The following TAFA5 variants were observed in gnomAD, a reference collection of about 807,000 sequenced individuals.
TAFA5 encodes TAFA chemokine like family member 5, also known as chemokine-like protein TAFA-5.
Under a neutral mutation model 15.3 loss-of-function variants are expected in TAFA5, and 6 were observed. The observed-to-expected ratio is 0.39, with a 90% CI of 0.21 to 0.77. TAFA5 has a LOEUF of 0.77. Ranked by LOEUF, TAFA5 falls within the 30% of genes least tolerant of loss-of-function variation. The probability of loss-of-function intolerance (pLI) is 0.41; values close to 1 mark genes in which losing one functional copy is unlikely to be tolerated. For synonymous variants in TAFA5, 103 were observed against 80.7 expected (o/e 1.28, Z -1.48); for missense variants, 161 against 193.1 (o/e 0.83, Z 0.98).
At chr22:48,703,244 G>A (rs746950163) in intron 2 of TAFA5, among the ~76,000 whole-genome samples, 19 of 152,190 alleles carry the variant, frequency 1.2e-4, no homozygotes, top group Admixed American at 3.9e-4. Context: ...GTACATGTGT[G>A]TGTGGTGTGT....
chr22:48,719,005 G>A (rs1396121191), intron 3 of TAFA5, among the ~76,000 whole-genome samples: 2 of 152,236 alleles, frequency 1.3e-5, no homozygotes, highest in Admixed American at 6.5e-5. Context: ...GCCCGGCCGG[G>A]TCAGCTCCGC....
intron 1 of TAFA5, among the ~76,000 whole-genome samples, chr22:48,596,436 A>T (rs189466596): frequency 6.6e-6 from 1 of 152,348 alleles, no homozygotes; most frequent in East Asian, 1.9e-4. Flanking sequence ...TATTCTGTCA[A>T]GGGGCAAGGT....
At chr22:48,646,460 C>A in intron 1 of TAFA5, 137 bp from the exon 2 acceptor site, 2 of 1,118,026 alleles carry the variant, frequency 1.8e-6, no homozygotes, top group Non-Finnish European at 2.5e-6. Context: ...CTTTCGGACG[C>A]TCCCTCTGAG....
intron 1 of TAFA5, among the ~76,000 whole-genome samples, chr22:48,506,463 C>T (rs1011729317): frequency 8.5e-5 from 13 of 152,196 alleles, no homozygotes; most frequent in Admixed American, 5.9e-4. Context: ...GACAAAAACG[C>T]GGCATGTCCA....
intron 1 of TAFA5, among the ~76,000 whole-genome samples, chr22:48,641,280 C>A (rs559554767): frequency 1.3e-5 from 2 of 152,226 alleles, no homozygotes; most frequent in Non-Finnish European, 2.9e-5. Flanking sequence ...TGAAATGATG[C>A]GTGACAAACA....
chr22:48,745,469 T>A lies in TAFA5; in HGVS notation c.391-4370T>A, dbSNP rs190598888. Among the ~76,000 whole-genome samples, 16 of 149,814 alleles carry A rather than the reference T, an allele frequency of 1.1e-4. No homozygotes were observed. In the East Asian group the frequency reaches 3.0e-3, roughly 28 times the overall value. ...ACCCTGAGCATGGGCACACACGGCT[T>A]TGTCGTTGGCGGCTGGCCTGTCCGG... On this transcript the variant is annotated intron_variant, in intron 3 of 3. Transcript: ENST00000402357.
rs545479408 is a variant in TAFA5, at chr22:48,595,082, G to A, written c.113-51515G>A. ...CTTGAGCCTGTGACCGGGTGGTGGT[G>A]GTGAGCCTGAATTTGGCTTTGGAAT... On this transcript the variant is annotated intron_variant, in intron 1 of 3. Transcript: ENST00000402357. Among the ~76,000 whole-genome samples the A allele has an allele frequency of 7.0e-4, 106 of 152,274 alleles. No individual in the cohort carries two copies. The Middle Eastern group carries it at 0.014, about 20-fold the overall frequency.
intron 3 of TAFA5, among the ~76,000 whole-genome samples, chr22:48,736,261 G>A (rs12172409): frequency 1.1e-4 from 2 of 18,560 alleles, no homozygotes; most frequent in East Asian, 8.9e-4. Flanking sequence ...GTCCCTCCCC[G>A]CAGGAGGAAT....
At chr22:48,504,152 C>T (rs1045034901) in intron 1 of TAFA5, among the ~76,000 whole-genome samples, 1 of 152,206 alleles carries the variant, frequency 6.6e-6, no homozygotes, top group South Asian at 2.1e-4. Flanking sequence ...GCGGGCTGGA[C>T]TGGAGGCCAT....
intron 1 of TAFA5, among the ~76,000 whole-genome samples, chr22:48,636,869 A>T (rs1195541392): frequency 1.3e-5 from 2 of 152,338 alleles, no homozygotes; most frequent in East Asian, 3.9e-4. Flanking sequence ...CAAGGAGGAC[A>T]GCCTCAGTGT....
chr22:48,688,688 C>G (rs1928440639), intron 2 of TAFA5, among the ~76,000 whole-genome samples: 1 of 152,108 alleles, frequency 6.6e-6, no homozygotes, highest in East Asian at 1.9e-4. Context: ...AACAGTGTGT[C>G]CTGATTTAAC....
chr22:48,729,395 G>T, intron 3 of TAFA5, among the ~76,000 whole-genome samples: 1 of 126,110 alleles, frequency 7.9e-6, no homozygotes, highest in East Asian at 2.0e-4. Context: ...ATATATAATA[G>T]TCATAAATAT....
At chr22:48,685,813 G>A (rs1429305632) in intron 2 of TAFA5, among the ~76,000 whole-genome samples, 3 of 152,122 alleles carry the variant, frequency 2.0e-5, no homozygotes, top group Non-Finnish European at 2.9e-5. Flanking sequence ...TACACCTGTT[G>A]CCGGCTGCAT....
At position 48,519,440 on chromosome 22, in the gene TAFA5, C is replaced by T. The variant is rs199854744; in HGVS notation, c.112+29736C>T. 3.7e-4 allele frequency among the ~76,000 whole-genome samples: 56 copies of T among 152,346 alleles called. No homozygotes were observed. The East Asian group carries it at 9.3e-3, about 25-fold the overall frequency. On this transcript the variant is annotated intron_variant, in intron 1 of 3. Coordinates refer to ENST00000402357, the MANE Select transcript of TAFA5 (RefSeq NM_001082967.3). ...ATGAAACAGGCTGTGGTCTCCAGGG[C>T]GGCCCCTCATGCATCTCGCTGCCAC...
At chr22:48,585,849 A>C (rs1457204974) in intron 1 of TAFA5, among the ~76,000 whole-genome samples, 1 of 152,094 alleles carries the variant, frequency 6.6e-6, no homozygotes, top group African/African-American at 2.4e-5. Context: ...ACACATGCCA[A>C]GACACACACA....
chr22:48,534,235 T>TCAGG (rs1922072407), intron 1 of TAFA5, among the ~76,000 whole-genome samples: 1 of 144,728 alleles, frequency 6.9e-6, no homozygotes, highest in South Asian at 2.2e-4. Flanking sequence ...GTGCGGTGGG[T>TCAGG]CAGGCAGGTG....
chr22:48,740,560 G>A (rs181142385), intron 3 of TAFA5, among the ~76,000 whole-genome samples: 2 of 152,314 alleles, frequency 1.3e-5, no homozygotes, highest in Non-Finnish European at 2.9e-5. Flanking sequence ...CCTTCCTAAC[G>A]TGGAAGCACG....
rs1172422740 is a variant in TAFA5, at chr22:48,490,356, G to T, written c.112+652G>T. 6.6e-6 allele frequency among the ~76,000 whole-genome samples: 1 copy of T among 152,048 alleles called. No homozygotes were observed. Among genetic ancestry groups the T allele is most frequent in the South Asian group, 2.1e-4 (1 of 4,816 alleles). ...AGCTGGTGACCGGCGGGACTGGCGC[G>T]GGCGCGGGCTGGGGTGGTGCGGGCC... On this transcript the variant is annotated intron_variant, in intron 1 of 3. Coordinates refer to ENST00000402357, the MANE Select transcript of TAFA5 (RefSeq NM_001082967.3). This position sits in a 1 kb window ranked among gnomAD's most constrained non-coding sequence, Gnocchi z 5.8.
At chr22:48,654,671 T>C (rs1927176658) in intron 2 of TAFA5, among the ~76,000 whole-genome samples, 1 of 152,134 alleles carries the variant, frequency 6.6e-6, no homozygotes, top group Non-Finnish European at 1.5e-5. Context: ...GGGGTTTTAA[T>C]TTTTTTTCGA....
Sources: allele counts gnomAD v4.1 joint callset (sites outside exome capture counted in the v4.1 genomes callset), GRCh38; gene constraint gnomAD v4.1.1; non-coding constraint Gnocchi (gnomAD v3.1); transcripts MANE v1.5; gene names NCBI Gene and HGNC (gene_info 2026-07-23, HGNC 2026-07-21).